Variants in THADA observed in about 807,000 individuals in gnomAD.
THADA encodes tRNA (32-2'-O)-methyltransferase regulator THADA.
A neutral mutation model predicts 219.8 loss-of-function variants in THADA; 213 were observed. The observed-to-expected ratio is 0.97, with a 90% CI of 0.87 to 1.09. The LOEUF is 1.09. THADA is among the 50% of genes least tolerant of loss of function. THADA has a pLI of 0.00. For synonymous variants in THADA, 1,018 were observed against 828.9 expected, an observed-to-expected ratio of 1.23 and a Z score of -3.92; for missense variants, 2,956 against 2,311.3, an observed-to-expected ratio of 1.28 and a Z score of -5.72.
At chr2:43,273,272 A>AC (rs1305150793) in intron 36 of THADA, among the ~76,000 whole-genome samples, 2 of 147,780 alleles carry the variant, frequency 1.4e-5, no homozygotes, top group African/African-American at 2.5e-5. Flanking sequence ...AACAACAACA[A>AC]AAAAAAAAAA....
chr2:43,464,334 CAAAA>C (rs1683982753), intron 26 of THADA, among the ~76,000 whole-genome samples: 1 of 151,668 alleles, frequency 6.6e-6, no homozygotes, highest in Admixed American at 6.6e-5. Flanking sequence ...AAAAAAGTAA[CAAAA>C]AAGAAGTAGA....
chr2:43,233,100 T>G (rs1456347949), intron 36 of THADA: 1 of 560,034 alleles, frequency 1.8e-6, no homozygotes, highest in Admixed American at 3.0e-5. Flanking sequence ...ACCCACTGTT[T>G]CCATGCCCCC....
chr2:43,537,046 G>A (rs145109164), intron 21 of THADA, among the ~76,000 whole-genome samples: 34 of 152,262 alleles, frequency 2.2e-4, no homozygotes, highest in African/African-American at 7.9e-4. Flanking sequence ...TAAACGGGAT[G>A]TTTTACAAAA....
chr2:43,271,612 CTTTTT>C (rs11365531), intron 36 of THADA, among the ~76,000 whole-genome samples: 5 of 118,618 alleles, frequency 4.2e-5, no homozygotes, highest in Non-Finnish European at 6.8e-5. Flanking sequence ...ACTCTTGGAA[CTTTTT>C]TTTTTTTTTT....
chr2:43,562,088 T>C (rs986339397), intron 15 of THADA: 9 of 152,252 alleles, frequency 5.9e-5, no homozygotes, highest in African/African-American at 2.2e-4. Flanking sequence ...ATTCCTGGGA[T>C]AAATTCCACT....
rs142508913 is a variant in THADA, at chr2:43,292,014, T to C, written c.4937+90A>G. On this transcript the variant is annotated intron_variant, in intron 33 of 37. Transcript: ENST00000405975. The stretch of plus-strand genomic sequence containing the variant: ...AGAATGAAATACAGGACCTGAGACC[T>C]GAGGGCAGGATTGTGTGCAAGTTCA... 4 of 890,902 alleles carry C rather than the reference T, an allele frequency of 4.5e-6. No homozygotes were observed. The Admixed American group carries it at 1.2e-4, about 26-fold the overall frequency. 55.2% of individuals were successfully genotyped at this position (890,902 alleles called of 1,614,324 possible). A position where few individuals can be genotyped will look rare whatever the true frequency, so the allele number is the denominator to read the frequency against.
chr2:43,291,643 T>C, intron 34 of THADA, 53 bp downstream of exon 34: 1 of 1,426,490 alleles, frequency 7.0e-7, no homozygotes, highest in South Asian at 1.4e-5. Context: ...ATCTTCTGAG[T>C]AAATGAGAAC....
At chr2:43,416,561 A>T (rs569585623) in intron 28 of THADA, among the ~76,000 whole-genome samples, 1 of 152,318 alleles carries the variant, frequency 6.6e-6, no homozygotes, top group East Asian at 1.9e-4. Flanking sequence ...TTTTCAACTA[A>T]AGTAGACAAA....
chr2:43,280,512 T>A (rs1417182930), intron 35 of THADA, among the ~76,000 whole-genome samples: 1 of 152,032 alleles, frequency 6.6e-6, no homozygotes, highest in South Asian at 2.1e-4. Context: ...GGCGCCTGTA[T>A]TCCCAGCTAC....
intron 28 of THADA, among the ~76,000 whole-genome samples, chr2:43,416,029 A>C (rs984342792): frequency 6.6e-6 from 1 of 152,246 alleles, no homozygotes; most frequent in Non-Finnish European, 1.5e-5. Flanking sequence ...TTAACTAGAA[A>C]AAATAATTCT....
At chr2:43,539,420 G>A (rs1190956882) in intron 21 of THADA, among the ~76,000 whole-genome samples, 1 of 152,178 alleles carries the variant, frequency 6.6e-6, no homozygotes, top group Non-Finnish European at 1.5e-5. Flanking sequence ...TGGGGCAAAA[G>A]GTTATGTTTA....
intron 26 of THADA, among the ~76,000 whole-genome samples, chr2:43,442,683 G>C (rs943472199): frequency 1.3e-5 from 2 of 152,060 alleles, no homozygotes; most frequent in African/African-American, 4.8e-5. Flanking sequence ...GAACAGGAGA[G>C]ATATGTTACA....
At position 43,292,133 on chromosome 2, in the gene THADA, G is replaced by T. The variant is rs1382994999; in HGVS notation, c.4908C>A (p.Ile1636=). 1 of 1,611,014 alleles carries T rather than the reference G, an allele frequency of 6.2e-7. No homozygotes were observed. Among genetic ancestry groups the T allele is most frequent in the Admixed American group, 1.7e-5 (1 of 59,504 alleles). Residue 1636 remains isoleucine (I), a synonymous_variant, in exon 33 of 38, where the codon ATC becomes ATA. Transcript: ENST00000405975. ...CATTGGAAGCAATATCCATCGTCCAGATCAAGAACTCCTTTGGGGTCAGAT... is the reference window on the plus strand; with the variant it reads ...CATTGGAAGCAATATCCATCGTCCATATCAAGAACTCCTTTGGGGTCAGAT... ...CVHLTPKEFL[I]WTMDIASNER... is the part of the protein sequence containing the mutation.
intron 29 of THADA, among the ~76,000 whole-genome samples, chr2:43,392,785 T>C (rs1673545042): frequency 6.6e-6 from 1 of 152,186 alleles, no homozygotes; most frequent in African/African-American, 2.4e-5. Context: ...CTGTTACTCA[T>C]ATGATCCCTG....
At chr2:43,282,938 T>C (rs907952379) in intron 35 of THADA, among the ~76,000 whole-genome samples, 1 of 152,156 alleles carries the variant, frequency 6.6e-6, no homozygotes, top group Non-Finnish European at 1.5e-5. Flanking sequence ...ATCTCCACCT[T>C]TACGTCCCAA....
At chr2:43,480,827 A>G (rs909976812) in intron 26 of THADA, among the ~76,000 whole-genome samples, 2 of 149,478 alleles carry the variant, frequency 1.3e-5, no homozygotes, top group African/African-American at 2.5e-5. Context: ...TGGGGGGGAA[A>G]AAAAAAAAAA....
intron 36 of THADA, among the ~76,000 whole-genome samples, chr2:43,272,475 T>C (rs1672238695): frequency 6.6e-6 from 1 of 152,134 alleles, no homozygotes; most frequent in Non-Finnish European, 1.5e-5. Flanking sequence ...TTCTAAGTAT[T>C]TGTTGAATGA....
chr2:43,436,410 C>T lies in THADA; in HGVS notation c.3837-6108G>A, dbSNP rs533336351. 1.7e-3 allele frequency among the ~76,000 whole-genome samples: 255 copies of T among 152,248 alleles called. 1 individual carries two copies. The highest frequency in any genetic ancestry group is 5.7e-3 in the African/African-American group (237 of 41,552). ...TGCTCTTCCCCCAAACTGTCATGAG[C>T]ACATTAAATTTAACCAACTGCTGGG... is the stretch of plus-strand genomic sequence containing the variant. On this transcript the variant is annotated intron_variant, in intron 26 of 37. Coordinates refer to ENST00000405975, the MANE Select transcript of THADA (RefSeq NM_022065.5).
intron 26 of THADA, among the ~76,000 whole-genome samples, chr2:43,478,386 G>T (rs902161140): frequency 6.6e-6 from 1 of 152,104 alleles, no homozygotes; most frequent in Non-Finnish European, 1.5e-5. Flanking sequence ...TTGGAAAATA[G>T]CTCAGTGGTA....
Sources: gnomAD v4.1 joint callset for allele counts (sites outside exome capture counted in the v4.1 genomes callset) on GRCh38, gnomAD v4.1.1 for gene constraint, MANE v1.5 for transcripts, NCBI Gene and HGNC (gene_info 2026-07-23, HGNC 2026-07-21) for gene names.